The following TPP2 variants were observed in gnomAD, a reference collection of about 807,000 sequenced individuals.
TPP2 encodes tripeptidyl-peptidase 2.
A neutral mutation model predicts 155.9 loss-of-function variants in TPP2; 34 were observed. The ratio of observed to expected loss-of-function variants is 0.22; its 90% confidence interval spans 0.17 to 0.29. TPP2 has a LOEUF of 0.29. Ranked by LOEUF, TPP2 falls within the 10% of genes least tolerant of loss-of-function variation. The pLI is 1.00. For missense variants in TPP2, 1,028 were observed against 1,522.3 expected (o/e 0.68, Z 5.40); for synonymous variants, 510 against 529.4 (o/e 0.96, Z 0.50).
chr13:102,635,806 G>C (rs1882337895), intron 12 of TPP2, 104 bp downstream of exon 12: 2 of 863,158 alleles, frequency 2.3e-6, no homozygotes, highest in African/African-American at 1.7e-5. Context: ...CAGTATATCT[G>C]AATTATGGAT....
rs1885486742 is a variant in TPP2, at chr13:102,679,268, AT to A, written c.*956del. 1.3e-5 allele frequency: 2 copies of A among 152,392 alleles called. No individual in the cohort carries two copies. Among genetic ancestry groups the A allele is most frequent in the South Asian group, 4.1e-4 (2 of 4,830 alleles). The allele number at this position is 152,392 out of a possible 1,614,324, so 9.4% of individuals were successfully genotyped here. A position where few individuals can be genotyped will look rare whatever the true frequency, so the allele number is the denominator to read the frequency against. On this transcript the variant is annotated 3_prime_UTR_variant, in exon 30 of 30. Coordinates refer to ENST00000376052, the MANE Select transcript of TPP2 (RefSeq NM_001330588.2). ...AAAAAAGTTAAACATAAGATAATCT[AT>A]TTTACAGTGTTTCTTATAGGCTTAC...
chr13:102,615,853 A>T (rs1381366125), intron 3 of TPP2, among the ~76,000 whole-genome samples: 2 of 152,198 alleles, frequency 1.3e-5, no homozygotes, highest in African/African-American at 4.8e-5. Flanking sequence ...ATAAAAATAC[A>T]TCTGGATGTG....
At chr13:102,653,602 C>G (rs1883657546) in intron 24 of TPP2, among the ~76,000 whole-genome samples, 1 of 152,078 alleles carries the variant, frequency 6.6e-6, no homozygotes, top group Non-Finnish European at 1.5e-5. Context: ...ACGTATGTTG[C>G]CCAAGGTGGT....
At chr13:102,676,091 C>CA (rs1218175153) in intron 28 of TPP2, among the ~76,000 whole-genome samples, 12 of 151,948 alleles carry the variant, frequency 7.9e-5, no homozygotes, top group Non-Finnish European at 1.8e-4. Flanking sequence ...GTTTTCTTCC[C>CA]AAAAAACAGA....
chr13:102,621,857 A>G (rs939732837), intron 5 of TPP2, among the ~76,000 whole-genome samples: 1 of 152,184 alleles, frequency 6.6e-6, no homozygotes, highest in Non-Finnish European at 1.5e-5. Context: ...GACAAGTGCT[A>G]CTTCTGTAGC....
Position 102,616,386 on chromosome 13 carries a change from G to T in TPP2, c.391-10G>T. On this transcript the variant is annotated splice_polypyrimidine_tract_variant and intron_variant, in intron 3 of 29. Coordinates refer to ENST00000376052, the MANE Select transcript of TPP2 (RefSeq NM_001330588.2). ...AGCCTAATTGTAAGGTAATTTTTCT[G>T]TCTTTGCAGAAAGAACGGAAGGAAA... 1 of 1,601,240 alleles carries T rather than the reference G, an allele frequency of 6.2e-7. No individual in the cohort carries two copies. Among genetic ancestry groups the T allele is most frequent in the Non-Finnish European group, 8.5e-7 (1 of 1,173,844 alleles).
intron 5 of TPP2, among the ~76,000 whole-genome samples, chr13:102,621,497 G>A (rs1227371581): frequency 6.6e-6 from 1 of 152,112 alleles, no homozygotes; most frequent in African/African-American, 2.4e-5. Context: ...AAAGGGTGGG[G>A]GAAAGATCCA....
At chr13:102,652,397 C>CATATATATATATATATAT (rs10530428) in intron 24 of TPP2, among the ~76,000 whole-genome samples, 1 of 125,490 alleles carries the variant, frequency 8.0e-6, no homozygotes, top group South Asian at 2.8e-4. Flanking sequence ...AACATACATA[C>CATATATATATATATATAT]ATATATATAT....
At chr13:102,667,814 A>G (rs1884705954) in intron 27 of TPP2, 11 of 985,576 alleles carry the variant, frequency 1.1e-5, no homozygotes, top group Non-Finnish European at 1.3e-5. Flanking sequence ...AGGATCCATC[A>G]GGCAGCATTT....
intron 19 of TPP2, 71 bp downstream of exon 19, chr13:102,645,080 A>T: frequency 1.4e-6 from 2 of 1,426,910 alleles, no homozygotes; most frequent in South Asian, 1.2e-5. Context: ...CTCTTAAAAA[A>T]GGGCCTTTTT....
intron 3 of TPP2, among the ~76,000 whole-genome samples, chr13:102,615,739 A>G (rs765386600): frequency 3.9e-5 from 6 of 152,142 alleles, no homozygotes; most frequent in Non-Finnish European, 8.8e-5. Context: ...GGCATTTCCC[A>G]ATTTTGTATG....
chr13:102,677,050 T>C (rs958140231), intron 29 of TPP2, among the ~76,000 whole-genome samples: 24 of 152,198 alleles, frequency 1.6e-4, no homozygotes, highest in Non-Finnish European at 5.9e-5. Context: ...ATACTTTATA[T>C]GTAAGGTACC....
At chr13:102,639,961 A>G (rs1882646283) in intron 15 of TPP2, among the ~76,000 whole-genome samples, 1 of 152,234 alleles carries the variant, frequency 6.6e-6, no homozygotes, top group African/African-American at 2.4e-5. Flanking sequence ...TGGTAATTGG[A>G]AAATTCTGTG....
intron 5 of TPP2, 95 bp from the exon 6 acceptor site, chr13:102,622,782 A>G: frequency 1.5e-6 from 2 of 1,294,116 alleles, no homozygotes; most frequent in East Asian, 2.3e-5. Flanking sequence ...TGGTAGAGGT[A>G]GTAGTATAGT....
Position 102,633,991 on chromosome 13 carries a change from G to A in TPP2, c.1286G>A (p.Gly429Glu). 1 of 1,614,118 alleles carries A rather than the reference G, an allele frequency of 6.2e-7. No homozygotes were observed. The highest frequency in any genetic ancestry group is 8.5e-7 in the Non-Finnish European group (1 of 1,179,970). Residue 429 changes from glycine (G) to glutamate (E), a missense_variant, in exon 11 of 30, where the codon GGA becomes GAA. Coordinates refer to ENST00000376052, the MANE Select transcript of TPP2 (RefSeq NM_001330588.2). ...GGTGTGAGTATCAGTGCGCCAGGAG[G>A]AGCCATTGCTTCTGTTCCTAACTGG... ...ALGVSISAPGGAIASVPNWTL... is the reference protein window; with the variant it reads ...ALGVSISAPGEAIASVPNWTL...
At chr13:102,606,517 T>C (rs1159575013) in intron 2 of TPP2, among the ~76,000 whole-genome samples, 1 of 152,182 alleles carries the variant, frequency 6.6e-6, no homozygotes, top group Non-Finnish European at 1.5e-5. Flanking sequence ...ATTGCAGCTG[T>C]AAAACTCATG....
At chr13:102,654,904 A>G (rs1883752300) in intron 24 of TPP2, 1 of 465,214 alleles carries the variant, frequency 2.1e-6, no homozygotes, top group East Asian at 6.5e-5. Context: ...GTGCCTACCC[A>G]GAGAGTGAAC....
intron 16 of TPP2, 38 bp downstream of exon 16, chr13:102,640,414 G>C: frequency 2.7e-6 from 4 of 1,503,564 alleles, no homozygotes; most frequent in Non-Finnish European, 3.7e-6. Flanking sequence ...GCTTATCTCT[G>C]TTTACGTTCT....
chr13:102,644,825 T>C lies in TPP2; in HGVS notation c.2293-84T>C, dbSNP rs1882996439. 4 of 1,505,936 alleles carry C rather than the reference T, an allele frequency of 2.7e-6. No individual in the cohort carries two copies. In the African/African-American group the frequency reaches 4.2e-5, roughly 16 times the overall value. 93.3% of individuals were successfully genotyped at this position (1,505,936 alleles called of 1,614,324 possible). ...TTTGTGTGTGGGTACTTATAAACTT[T>C]ATATTGGACACATTTATTTTAGGTA... On this transcript the variant is annotated intron_variant, in intron 18 of 29. Transcript: ENST00000376052.
Sources: allele counts gnomAD v4.1 joint callset (sites outside exome capture counted in the v4.1 genomes callset), GRCh38; gene constraint gnomAD v4.1.1; transcripts MANE v1.5; gene names NCBI Gene and HGNC (gene_info 2026-07-23, HGNC 2026-07-21).